Variants in EIF2AK4 observed in about 807,000 individuals in gnomAD.
EIF2AK4 encodes eukaryotic translation initiation factor 2 alpha kinase 4.
Under a neutral mutation model 211.1 loss-of-function variants are expected in EIF2AK4, and 139 were observed. The ratio of observed to expected loss-of-function variants is 0.66; its 90% confidence interval spans 0.57 to 0.76. EIF2AK4 has a LOEUF of 0.76. EIF2AK4 is among the 30% of genes least tolerant of loss of function. EIF2AK4 has a pLI of 0.00. For synonymous variants in EIF2AK4, 710 were observed against 751.3 expected, an observed-to-expected ratio of 0.94 and a Z score of 0.90; for missense variants, 1,664 against 2,043.8, an observed-to-expected ratio of 0.81 and a Z score of 3.58.
chr15:39,950,238 A>G (rs1454189365), intron 4 of EIF2AK4, among the ~76,000 whole-genome samples: 1 of 152,210 alleles, frequency 6.6e-6, no homozygotes, highest in African/African-American at 2.4e-5. Flanking sequence ...CAAACGTGCA[A>G]GAAGTGCACA....
At position 39,955,666 on chromosome 15, in the gene EIF2AK4, A is replaced by C; in HGVS notation, c.641A>C (p.Lys214Thr). The change falls in exon 6 of 39, where the codon AAG (lysine) becomes ACG (threonine). Residue 214 changes from lysine (K) to threonine (T), a missense_variant. Coordinates refer to ENST00000263791, the MANE Select transcript of EIF2AK4 (RefSeq NM_001013703.4). ...TTGTCAAACCAAGATCATACCTCTAAGAAGGACCCAGGAGGACACAGAACG... is the reference window on the plus strand; with the variant it reads ...TTGTCAAACCAAGATCATACCTCTACGAAGGACCCAGGAGGACACAGAACG... Reference protein sequence around the residue: ...ASLSNQDHTSKKDPGGHRTAA... With the variant: ...ASLSNQDHTSTKDPGGHRTAA... 1 of 1,612,280 alleles carries C rather than the reference A, an allele frequency of 6.2e-7. No individual in the cohort carries two copies. Among genetic ancestry groups the C allele is most frequent in the Non-Finnish European group, 8.5e-7 (1 of 1,179,564 alleles).
At chr15:40,032,998 CTTTA>C (rs972531589) in intron 37 of EIF2AK4, among the ~76,000 whole-genome samples, 197 bp downstream of exon 37, 7 of 152,106 alleles carry the variant, frequency 4.6e-5, no homozygotes, top group Non-Finnish European at 1.0e-4. Context: ...TTTCTAGTGA[CTTTA>C]TTTTTCAGAT....
Position 39,949,109 on chromosome 15 carries a change from T to C in EIF2AK4, c.361-7T>C, listed in dbSNP as rs1254400192. On this transcript the variant is annotated splice_polypyrimidine_tract_variant and splice_region_variant and intron_variant, in intron 3 of 38. Transcript: ENST00000263791. The stretch of plus-strand genomic sequence containing the variant: ...CATTTGTGGTTGATTTTTGTTTACA[T>C]GTTTAGGTGATGATCTTTGAACTGG... 6.2e-7 allele frequency: 1 copy of C among 1,610,352 alleles called. No homozygotes were observed. Among genetic ancestry groups the C allele is most frequent in the African/African-American group, 1.3e-5 (1 of 74,828 alleles).
At chr15:39,956,422 A>T (rs1219778385) in intron 6 of EIF2AK4, among the ~76,000 whole-genome samples, 1 of 152,218 alleles carries the variant, frequency 6.6e-6, no homozygotes, top group African/African-American at 2.4e-5. Context: ...AATCATCATC[A>T]TCCAGTGTTT....
Position 40,009,685 on chromosome 15 carries a change from A to C in EIF2AK4, c.3648A>C (p.Pro1216=), listed in dbSNP as rs1241321030. Residue 1216 remains proline (P), a synonymous_variant, in exon 26 of 39, where the codon CCA becomes CCC. Transcript: ENST00000263791. The part of the protein sequence containing the change: ...LKAILLHCGI[P]EDKLSQVYII... ...CAATACTCTTACACTGTGGGATCCC[A>C]GAAGATAAACTCAGTCAAGTCTACA... 6.2e-6 allele frequency: 10 copies of C among 1,610,500 alleles called. No individual in the cohort carries two copies. Among genetic ancestry groups the C allele is most frequent in the East Asian group, 2.2e-5 (1 of 44,718 alleles).
intron 27 of EIF2AK4, among the ~76,000 whole-genome samples, chr15:40,015,406 A>G (rs2035290850): frequency 6.6e-6 from 1 of 152,222 alleles, no homozygotes; most frequent in African/African-American, 2.4e-5. Flanking sequence ...CATGTCTTAC[A>G]TGGTTGGCAG....
intron 4 of EIF2AK4, among the ~76,000 whole-genome samples, chr15:39,949,713 A>C (rs1482472307): frequency 6.6e-6 from 1 of 152,198 alleles, no homozygotes; most frequent in East Asian, 1.9e-4. Context: ...AAGACAGTTA[A>C]TATCTACGCA....
At position 40,009,742 on chromosome 15, in the gene EIF2AK4, A is replaced by C; in HGVS notation, c.3693+12A>C. The C allele has an allele frequency of 6.8e-7, 1 of 1,467,198 alleles. No homozygotes were observed. Among genetic ancestry groups the C allele is most frequent in the Non-Finnish European group, 9.4e-7 (1 of 1,059,644 alleles). The allele number at this position is 1,467,198 out of a possible 1,614,324, so 90.9% of individuals were successfully genotyped here. ...TGTATGATGCTGTGGTAAGCATTTAATTACTTATGATGTTGAAAGATAATA... is the reference window on the plus strand; with the variant it reads ...TGTATGATGCTGTGGTAAGCATTTACTTACTTATGATGTTGAAAGATAATA... On this transcript the variant is annotated intron_variant, in intron 26 of 38. Coordinates refer to ENST00000263791, the MANE Select transcript of EIF2AK4 (RefSeq NM_001013703.4).
At position 39,955,719 on chromosome 15, in the gene EIF2AK4, G is replaced by C. The variant is rs1354501134; in HGVS notation, c.694G>C (p.Asp232His). 9.9e-6 allele frequency: 16 copies of C among 1,612,574 alleles called. No homozygotes were observed. Among genetic ancestry groups the C allele is most frequent in the Non-Finnish European group, 1.4e-5 (16 of 1,179,594 alleles). ...TGCCATTCTACATGGAGGCTCTCCT[G>C]ACTTTGTAGGAAATGGTAAACATCG... ...TAAILHGGSP[D>H]FVGNGKHRAN... The change falls in exon 6 of 39, where the codon GAC (aspartate) becomes CAC (histidine). Residue 232 changes from aspartate to histidine, a missense_variant. Asp to His is a moderately conservative substitution (Grantham distance 81). Around this residue, in one of 7 missense-constraint regions of EIF2AK4, gnomAD observed 641 missense variants for 729.6 expected, o/e 0.88. Coordinates refer to ENST00000263791, the MANE Select transcript of EIF2AK4 (RefSeq NM_001013703.4).
At position 39,976,700 on chromosome 15, in the gene EIF2AK4, C is replaced by T; in HGVS notation, c.2105C>T (p.Pro702Leu). The change falls in exon 12 of 39, where the codon CCA becomes CTA. Residue 702 changes from proline to leucine, a missense_variant. Coordinates refer to ENST00000263791, the MANE Select transcript of EIF2AK4 (RefSeq NM_001013703.4). The stretch of plus-strand genomic sequence containing the variant: ...GACAGCGTAGAGGCCGCCGCGCCGC[C>T]ACCCATCCTCAGCAGCTCGGTGGAG... Reference protein sequence around the residue: ...GLDSVEAAAPPPILSSSVEWS... With the variant: ...GLDSVEAAAPLPILSSSVEWS... The T allele has an allele frequency of 6.2e-7, 1 of 1,601,612 alleles. No individual in the cohort carries two copies. The highest frequency in any genetic ancestry group is 8.5e-7 in the Non-Finnish European group (1 of 1,177,374).
intron 33 of EIF2AK4, among the ~76,000 whole-genome samples, chr15:40,028,753 CAG>C (rs1374190799): frequency 6.6e-6 from 1 of 152,134 alleles, no homozygotes; most frequent in Non-Finnish European, 1.5e-5. Flanking sequence ...AAATCAAAGA[CAG>C]AGGTTTAGAA....
At chr15:40,000,514 C>T (rs2035076002) in intron 20 of EIF2AK4, among the ~76,000 whole-genome samples, 1 of 152,050 alleles carries the variant, frequency 6.6e-6, no homozygotes, top group African/African-American at 2.4e-5. Context: ...CAAGAGAATT[C>T]AAGGGAATGG....
chr15:40,001,633 C>CAAAAAAAAA (rs11383908), intron 21 of EIF2AK4, among the ~76,000 whole-genome samples: 2 of 120,324 alleles, frequency 1.7e-5, no homozygotes, highest in Non-Finnish European at 1.6e-5. Context: ...GACCCCAACT[C>CAAAAAAAAA]AAAAAAAAAA....
chr15:39,974,979 C>G (rs1047397464), intron 11 of EIF2AK4: 1 of 152,204 alleles, frequency 6.6e-6, no homozygotes, highest in African/African-American at 2.4e-5. Flanking sequence ...CAACCCAGTT[C>G]GTATATGATG....
intron 6 of EIF2AK4, among the ~76,000 whole-genome samples, chr15:39,958,953 C>T (rs1178041591): frequency 6.6e-6 from 1 of 151,972 alleles, no homozygotes; most frequent in East Asian, 1.9e-4. Flanking sequence ...TATCAAGCTC[C>T]TAGCTGCCTA....
intron 33 of EIF2AK4, among the ~76,000 whole-genome samples, chr15:40,027,125 C>CAACTGTTTTCCAAAAGAAAATT (rs1272011901): frequency 6.6e-6 from 1 of 152,082 alleles, no homozygotes; most frequent in Non-Finnish European, 1.5e-5. Flanking sequence ...TATTGAAAAA[C>CAACTGTTTTCCAAAAGAAAATT]AACTGTTTTC....
At chr15:40,009,848 T>C (rs2035212614) in intron 26 of EIF2AK4, 118 bp downstream of exon 26, 1 of 719,038 alleles carries the variant, frequency 1.4e-6, no homozygotes, top group East Asian at 2.6e-5. Flanking sequence ...GGGAGCCTTA[T>C]CTCCTTCCTT....
At chr15:39,998,136 G>A (rs151178069) in intron 19 of EIF2AK4, among the ~76,000 whole-genome samples, 36 of 152,150 alleles carry the variant, frequency 2.4e-4, no homozygotes, top group African/African-American at 7.9e-4. Flanking sequence ...AGATGATTAT[G>A]TCCTTAATGA....
Position 40,032,196 on chromosome 15 carries a change from G to T in EIF2AK4, c.4687G>T (p.Ala1563Ser), listed in dbSNP as rs1260196697. The T allele has an allele frequency of 6.2e-7, 1 of 1,614,124 alleles. No individual in the cohort carries two copies. Among genetic ancestry groups the T allele is most frequent in the Non-Finnish European group, 8.5e-7 (1 of 1,179,994 alleles). Residue 1563 changes from alanine to serine, a missense_variant, in exon 36 of 39, where the codon GCC becomes TCC. Ala to Ser is a moderately conservative substitution (Grantham distance 99). Coordinates refer to ENST00000263791, the MANE Select transcript of EIF2AK4 (RefSeq NM_001013703.4). Reference protein sequence around the residue: ...QVQTRLQTSLANLHQKSSEIE... With the variant: ...QVQTRLQTSLSNLHQKSSEIE... ...ACAAACTCGACTTCAGACCTCCCTT[G>T]CCAACTTACATCAGAAAAGCAGTGA...
Sources: allele counts gnomAD v4.1 joint callset (sites outside exome capture counted in the v4.1 genomes callset), GRCh38; gene constraint gnomAD v4.1.1; regional missense constraint gnomAD v4.1.1; transcripts MANE v1.5; gene names NCBI Gene and HGNC (gene_info 2026-07-23, HGNC 2026-07-21).